DNAH7: variants seen among roughly 807,000 people sequenced by gnomAD.
DNAH7 encodes the protein axonemal beta dynein heavy chain 7.
DNAH7 carries 397 observed loss-of-function variants against 444.6 expected under a neutral mutation model. The observed-to-expected ratio is 0.89, with a 90% CI of 0.82 to 0.97. The LOEUF is 0.97. Among genes scored for constraint, DNAH7 ranks in the 50% least tolerant of loss-of-function variants. DNAH7 has a pLI of 0.00. For missense variants in DNAH7, 4,902 were observed against 4,800.8 expected, an observed-to-expected ratio of 1.02 and a Z score of -0.62; for synonymous variants, 1,636 against 1,624.4, an observed-to-expected ratio of 1.01 and a Z score of -0.17.
rs116848482 is a variant in DNAH7 at position 196,023,152 on chromosome 2, C to T, written c.743+1277G>A. On this transcript the variant is annotated intron_variant, in intron 8 of 64. Transcript: ENST00000312428. ...AGCATCATCCTCTTGGCACTATCCT[C>T]GCAATGGTAAGTTCTCATGAGATCT... Among the ~76,000 whole-genome samples, 2,964 of 152,212 alleles carry T rather than the reference C, an allele frequency of 0.019. 246 individuals are homozygous for T. The East Asian group carries it at 0.27, about 14-fold the overall frequency.
chr2:196,029,266 G>A (rs1242334944), intron 5 of DNAH7, among the ~76,000 whole-genome samples: 1 of 152,016 alleles, frequency 6.6e-6, no homozygotes, highest in Non-Finnish European at 1.5e-5. Context: ...TTGTTTGTTT[G>A]TTTGTTTGTT....
intron 9 of DNAH7, among the ~76,000 whole-genome samples, chr2:196,017,390 C>T (rs1213253068): frequency 6.6e-6 from 1 of 152,120 alleles, no homozygotes; most frequent in East Asian, 1.9e-4. Flanking sequence ...CCAATCAGAA[C>T]ACGGACAATT....
intron 17 of DNAH7, among the ~76,000 whole-genome samples, chr2:195,968,272 CCT>C (rs1691615737): frequency 6.6e-6 from 1 of 152,146 alleles, no homozygotes; most frequent in Non-Finnish European, 1.5e-5. Flanking sequence ...TAGCATACCA[CCT>C]GGATATCACT....
In DNAH7 at chr2:196,047,517, A is replaced by T. The variant is rs200393488; in HGVS notation, c.251-18T>A. The T allele has an allele frequency of 6.6e-7, 1 of 1,521,926 alleles. No individual in the cohort carries two copies. The highest frequency in any genetic ancestry group is 8.8e-7 in the Non-Finnish European group (1 of 1,132,430). 94.3% of individuals were successfully genotyped at this position (1,521,926 alleles called of 1,614,324 possible). ...GTATTCAGCTTAAATTAAAACAAAAAAAAAAGCACAATTATTCATCTAAAA... is the reference window on the plus strand; with the variant it reads ...GTATTCAGCTTAAATTAAAACAAAATAAAAAGCACAATTATTCATCTAAAA... On this transcript the variant is annotated intron_variant, in intron 4 of 64. Transcript: ENST00000312428.
rs192166996 is a variant in DNAH7 at position 195,912,839 on chromosome 2, G to C, written c.3936-2644C>G. Among the ~76,000 whole-genome samples, 22 of 152,224 alleles carry C rather than the reference G, an allele frequency of 1.4e-4. No individual in the cohort carries two copies. In the East Asian group the frequency reaches 4.0e-3, roughly 28 times the overall value. On this transcript the variant is annotated intron_variant, in intron 24 of 64. Transcript: ENST00000312428. ...TATTGAGGGATGAAACCAAGGACAG[G>C]GATAAAAATAGCTAAAAATTGAGCA...
chr2:195,741,431 C>G (rs1402852191), intron 63 of DNAH7, among the ~76,000 whole-genome samples: 1 of 152,176 alleles, frequency 6.6e-6, no homozygotes, highest in African/African-American at 2.4e-5. Context: ...TGTACACTAA[C>G]AGCTAAAGAG....
intron 24 of DNAH7, among the ~76,000 whole-genome samples, chr2:195,911,189 T>C (rs956936632): frequency 2.2e-4 from 34 of 152,200 alleles, no homozygotes; most frequent in African/African-American, 8.2e-4. Flanking sequence ...CTACTCTCTA[T>C]GGTATCCTGG....
intron 42 of DNAH7, among the ~76,000 whole-genome samples, chr2:195,859,472 A>G (rs1010508202): frequency 2.0e-5 from 3 of 152,162 alleles, no homozygotes; most frequent in Admixed American, 1.3e-4. Context: ...AAATATATAT[A>G]TATGTCTCTA....
intron 56 of DNAH7, chr2:195,795,719 G>C (rs1428986444): frequency 6.6e-6 from 1 of 152,330 alleles, no homozygotes; most frequent in Non-Finnish European, 1.5e-5. Flanking sequence ...GATATTGCTT[G>C]ATTGTATCCT....
At chr2:196,018,837 C>T (rs1695187962) in intron 9 of DNAH7, among the ~76,000 whole-genome samples, 1 of 151,994 alleles carries the variant, frequency 6.6e-6, no homozygotes, top group Non-Finnish European at 1.5e-5. Context: ...TTGTTTGTAA[C>T]ACAAAGGAAA....
chr2:195,850,300 G>GGAGA (rs201897346), intron 46 of DNAH7, among the ~76,000 whole-genome samples: 10 of 151,434 alleles, frequency 6.6e-5, no homozygotes, highest in African/African-American at 2.2e-4. Context: ...AAAAAAAAGG[G>GGAGA]GAGAGAGAGA....
chr2:196,020,249 T>C (rs1695293637), intron 8 of DNAH7, among the ~76,000 whole-genome samples: 3 of 152,182 alleles, frequency 2.0e-5, no homozygotes, highest in African/African-American at 2.4e-5. Context: ...AGCTTTGTTA[T>C]ATATAAGTTA....
At position 195,854,190 on chromosome 2, in the gene DNAH7, CA is replaced by C. The variant is rs1178754756; in HGVS notation, c.8596-663del. 2.0e-5 allele frequency among the ~76,000 whole-genome samples: 3 copies of C among 152,080 alleles called. No individual in the cohort carries two copies. In the South Asian group the frequency reaches 6.2e-4, roughly 32 times the overall value. On this transcript the variant is annotated intron_variant, in intron 45 of 64. Transcript: ENST00000312428. ...AAAGTTATTTCAGTTCACACAATAG[CA>C]ATATTCCAGCAGAATATGTGAATTA... is the stretch of plus-strand genomic sequence containing the variant.
chr2:195,855,749 G>C, intron 45 of DNAH7, 62 bp downstream of exon 45: 1 of 1,570,898 alleles, frequency 6.4e-7, no homozygotes, highest in Non-Finnish European at 8.7e-7. Context: ...GTGCTAGTAC[G>C]AACATCATTC....
chr2:195,947,693 T>C (rs1247831322), intron 19 of DNAH7, among the ~76,000 whole-genome samples: 3 of 152,352 alleles, frequency 2.0e-5, no homozygotes, highest in Middle Eastern at 3.4e-3. Context: ...CAGTCTATCA[T>C]TGATGGACAT....
At chr2:195,986,545 G>A (rs910381748) in intron 14 of DNAH7, among the ~76,000 whole-genome samples, 3 of 152,108 alleles carry the variant, frequency 2.0e-5, no homozygotes, top group African/African-American at 7.2e-5. Flanking sequence ...AAAGAAACAG[G>A]TATTCTGCTT....
At chr2:196,000,646 T>C in intron 12 of DNAH7, 58 bp downstream of exon 12, 1 of 1,328,810 alleles carries the variant, frequency 7.5e-7, no homozygotes, top group Admixed American at 2.6e-5. Flanking sequence ...TTTCAGAAGT[T>C]ACTTGAAGTG....
intron 58 of DNAH7, among the ~76,000 whole-genome samples, chr2:195,782,096 CTT>C (rs1695416193): frequency 6.6e-6 from 1 of 151,916 alleles, no homozygotes; most frequent in Non-Finnish European, 1.5e-5. Context: ...CCTAAATTTT[CTT>C]CTTTTACACT....
At chr2:195,751,979 A>G (rs570184153) in intron 63 of DNAH7, among the ~76,000 whole-genome samples, 4 of 152,274 alleles carry the variant, frequency 2.6e-5, no homozygotes, top group South Asian at 2.1e-4. Flanking sequence ...CAAGATAACA[A>G]TGGTGGTGGG....
Sources: gnomAD v4.1 joint callset for allele counts (sites outside exome capture counted in the v4.1 genomes callset) on GRCh38, gnomAD v4.1.1 for gene constraint, MANE v1.5 for transcripts, NCBI Gene and HGNC (gene_info 2026-07-23, HGNC 2026-07-21) for gene names.